PCDHGC3: variants seen among roughly 807,000 people sequenced by gnomAD.
PCDHGC3 encodes protocadherin gamma-C3.
A neutral mutation model predicts 59.2 loss-of-function variants in PCDHGC3; 26 were observed. The ratio of observed to expected loss-of-function variants is 0.44; its 90% CI spans 0.32 to 0.61. The LOEUF is 0.61. Ranked by LOEUF, PCDHGC3 falls within the 20% of genes least tolerant of loss-of-function variation. The pLI is 0.05. For synonymous variants in PCDHGC3, 487 were observed against 519.7 expected (o/e 0.94, Z 0.86); for missense variants, 1,080 against 1,221.8 (o/e 0.88, Z 1.73).
chr5:141,490,688 CTG>C lies in PCDHGC3; in HGVS notation c.2431-4118_2431-4117del. 6.2e-7 allele frequency: 1 copy of C among 1,614,218 alleles called. No homozygotes were observed. On this transcript the variant is annotated intron_variant, in intron 1 of 3. Coordinates refer to ENST00000308177, the MANE Select transcript of PCDHGC3 (RefSeq NM_002588.4). This position sits in a 1 kb window ranked among gnomAD's most constrained non-coding sequence, Gnocchi z 5.4. ...ACTGTGGCTGCCTCAGATCCAGACA[CTG>C]GGGATAATGCCCGCCTCACCTACTC... is the stretch of plus-strand genomic sequence containing the variant.
intron 2 of PCDHGC3, among the ~76,000 whole-genome samples, chr5:141,499,829 G>A (rs1322405697): frequency 6.6e-6 from 1 of 151,548 alleles, no homozygotes; most frequent in African/African-American, 2.4e-5. Context: ...TAGGATTACA[G>A]GTGTGCACCA....
rs2099615088 is a variant in PCDHGC3, at chr5:141,485,526, G to A, written c.2430+6980G>A. On this transcript the variant is annotated intron_variant, in intron 1 of 3. Coordinates refer to ENST00000308177, the MANE Select transcript of PCDHGC3 (RefSeq NM_002588.4). The surrounding 1 kb of genome is among the most constrained non-coding windows in gnomAD (Gnocchi z 5.7). Reference sequence around the variant, plus strand: ...ACCGAAGGTCCTTTGGAAATGTACCGAGCAGAGGTAGAGATCGTAGATGTG... The same window carrying A: ...ACCGAAGGTCCTTTGGAAATGTACCAAGCAGAGGTAGAGATCGTAGATGTG... 6.2e-7 allele frequency: 1 copy of A among 1,614,154 alleles called. No individual in the cohort carries two copies. The highest frequency in any genetic ancestry group is 2.2e-5 in the East Asian group (1 of 44,880).
rs1382764259 is a variant in PCDHGC3 at position 141,478,383 on chromosome 5, T to G, written c.2267T>G (p.Leu756Arg). 2.5e-6 allele frequency: 4 copies of G among 1,613,630 alleles called. No individual in the cohort carries two copies. In the Admixed American group the frequency reaches 6.7e-5, roughly 27 times the overall value. Reference sequence around the variant, plus strand: ...CGGGGAGGCCTGATGTCGCCGCACCTTTACCATCAGGTGTATCTCACCACG... The same window carrying G: ...CGGGGAGGCCTGATGTCGCCGCACCGTTACCATCAGGTGTATCTCACCACG... ...AVRGGLMSPH[L>R]YHQVYLTTDS... Residue 756 changes from leucine (L) to arginine (R), a missense_variant, in exon 1 of 4, where the codon CTT (leucine) becomes CGT (arginine). Physicochemically the swap from Leu to Arg is moderately radical, Grantham distance 102. Coordinates refer to ENST00000308177, the MANE Select transcript of PCDHGC3 (RefSeq NM_002588.4).
At position 141,487,289 on chromosome 5, in the gene PCDHGC3, G is replaced by T; in HGVS notation, c.2431-7518G>T. 6.2e-7 allele frequency: 1 copy of T among 1,614,096 alleles called. No individual in the cohort carries two copies. The highest frequency in any genetic ancestry group is 8.5e-7 in the Non-Finnish European group (1 of 1,180,024). On this transcript the variant is annotated intron_variant, in intron 1 of 3. Coordinates refer to ENST00000308177, the MANE Select transcript of PCDHGC3 (RefSeq NM_002588.4). The surrounding 1 kb of genome is among the most constrained non-coding windows in gnomAD (Gnocchi z 5.0). Reference sequence around the variant, plus strand: ...AGTGGCAATTTGCTTTGTCTCCTTTGGCTCATTCGTGGCACTACTCTCTAA... The same window carrying T: ...AGTGGCAATTTGCTTTGTCTCCTTTTGCTCATTCGTGGCACTACTCTCTAA...
At chr5:141,484,789 A>T (rs1215899787) in intron 1 of PCDHGC3, among the ~76,000 whole-genome samples, 1 of 152,132 alleles carries the variant, frequency 6.6e-6, no homozygotes, top group Non-Finnish European at 1.5e-5. Flanking sequence ...CCACAGAGAT[A>T]ACAACCCGTG....
chr5:141,478,259 T>A lies in PCDHGC3; in HGVS notation c.2143T>A (p.Phe715Ile), dbSNP rs534973741. ...GGTCACAGTGTTCGGAGTAATCATA[T>A]TCAAAGTTTACAAGTGGAAGCAGTC... ...FVVTVFGVII[F>I]KVYKWKQSRD... The change falls in exon 1 of 4, where the codon TTC becomes ATC. Residue 715 changes from phenylalanine (F) to isoleucine (I), a missense_variant. By Grantham distance (21) the Phe-to-Ile change is conservative. Transcript: ENST00000308177. 3.2e-5 allele frequency: 52 copies of A among 1,614,064 alleles called. No individual in the cohort carries two copies. The highest frequency in any genetic ancestry group is 4.4e-5 in the Non-Finnish European group (52 of 1,180,048).
Position 141,511,165 on chromosome 5 carries a change from A to G in PCDHGC3, c.2797A>G (p.Lys933Glu). 1 of 1,614,096 alleles carries G rather than the reference A, an allele frequency of 6.2e-7. No homozygotes were observed. Among genetic ancestry groups the G allele is most frequent in the East Asian group, 2.2e-5 (1 of 44,870 alleles). ...CAAGAAGAAGTCGGGCAAGAAGGAGAAGAAGTAACATGGAGGCCAGGCCAA... is the reference window on the plus strand; with the variant it reads ...CAAGAAGAAGTCGGGCAAGAAGGAGGAGAAGTAACATGGAGGCCAGGCCAA... ...GNKKKSGKKE[K>E]K Residue 933 changes from lysine (K) to glutamate (E), a missense_variant, in exon 4 of 4, where the codon AAG (lysine) becomes GAG (glutamate). Physicochemically the swap from Lys to Glu is moderately conservative, Grantham distance 56. Transcript: ENST00000308177.
rs2099691833 is a variant in PCDHGC3, at chr5:141,489,761, C to A, written c.2431-5046C>A. 8.1e-6 allele frequency: 13 copies of A among 1,614,102 alleles called. No individual in the cohort carries two copies. The highest frequency in any genetic ancestry group is 1.1e-5 in the Non-Finnish European group (13 of 1,179,962). ...ACTGTGAGCTTTTACACTCTAAGCCCCAACAGCCACTTCTCTCTGAATGTG... is the reference window on the plus strand; with the variant it reads ...ACTGTGAGCTTTTACACTCTAAGCCACAACAGCCACTTCTCTCTGAATGTG... On this transcript the variant is annotated intron_variant, in intron 1 of 3. Coordinates refer to ENST00000308177, the MANE Select transcript of PCDHGC3 (RefSeq NM_002588.4). The surrounding 1 kb of genome is among the most constrained non-coding windows in gnomAD (Gnocchi z 4.5).
At chr5:141,492,710 G>A (rs11953270) in intron 1 of PCDHGC3, among the ~76,000 whole-genome samples, 27,341 of 152,278 alleles carry the variant, frequency 0.18, 2,647 homozygotes, top group Admixed American at 0.28. Flanking sequence ...GAAGCCTCGA[G>A]CAGGCGGACA....
chr5:141,478,121 G>A lies in PCDHGC3; in HGVS notation c.2005G>A (p.Asp669Asn), dbSNP rs1393103666. The change falls in exon 1 of 4, where the codon GAC (aspartate) becomes AAC (asparagine). Residue 669 changes from aspartate (D) to asparagine (N), a missense_variant. Coordinates refer to ENST00000308177, the MANE Select transcript of PCDHGC3 (RefSeq NM_002588.4). ...TATLTVSVTE[D>N]SPEARAEFPS... ...TACCCTCACTGTGTCAGTAACCGAGGACTCTCCTGAAGCCCGAGCCGAGTT... is the reference window on the plus strand; with the variant it reads ...TACCCTCACTGTGTCAGTAACCGAGAACTCTCCTGAAGCCCGAGCCGAGTT... The A allele has an allele frequency of 1.2e-6, 2 of 1,613,918 alleles. No individual in the cohort carries two copies. The highest frequency in any genetic ancestry group is 1.1e-5 in the South Asian group (1 of 91,082).
Position 141,477,029 on chromosome 5 carries a change from A to T in PCDHGC3, c.913A>T (p.Thr305Ser), listed in dbSNP as rs754045855. ...FALDLVTGMLTIKGRLDFEDT... is the reference protein window; with the variant it reads ...FALDLVTGMLSIKGRLDFEDT... ...CTTAGACCTTGTAACCGGGATGCTG[A>T]CAATCAAGGGTCGGCTGGACTTCGA... Residue 305 changes from threonine to serine, a missense_variant, in exon 1 of 4, where the codon ACA becomes TCA. Physicochemically the swap from Thr to Ser is moderately conservative, Grantham distance 58 (BLOSUM62 1). Transcript: ENST00000308177. This position sits in a 1 kb window ranked among gnomAD's most constrained non-coding sequence, Gnocchi z 4.9. 2 of 1,614,238 alleles carry T rather than the reference A, an allele frequency of 1.2e-6. No homozygotes were observed. The highest frequency in any genetic ancestry group is 3.3e-5 in the Admixed American group (2 of 60,028).
rs746487145 is a variant in PCDHGC3 at position 141,505,415 on chromosome 5, G to A, written c.2512G>A (p.Gly838Ser). 7.4e-6 allele frequency: 12 copies of A among 1,614,074 alleles called. No individual in the cohort carries two copies. The East Asian group carries it at 1.3e-4, about 18-fold the overall frequency. Residue 838 changes from glycine to serine, a missense_variant, in exon 3 of 4, where the codon GGC (glycine) becomes AGC (serine). Gly to Ser is a moderately conservative substitution (Grantham distance 56, BLOSUM62 0). Coordinates refer to ENST00000308177, the MANE Select transcript of PCDHGC3 (RefSeq NM_002588.4). ...CAGCTCCCAAAATGGCGATGACACC[G>A]GCACCTGGCCCAACAACCAGTTTGA... ...TSGSQNGDDT[G>S]TWPNNQFDTE...
intron 2 of PCDHGC3, among the ~76,000 whole-genome samples, chr5:141,498,114 G>C (rs1336064850): frequency 6.6e-6 from 1 of 152,196 alleles, no homozygotes; most frequent in East Asian, 1.9e-4. Flanking sequence ...CGTATAATAG[G>C]GATTTGATTT....
intron 1 of PCDHGC3, among the ~76,000 whole-genome samples, chr5:141,481,161 A>G (rs2099532805): frequency 6.6e-6 from 1 of 152,230 alleles, no homozygotes; most frequent in African/African-American, 2.4e-5. Flanking sequence ...GTATTTGCAG[A>G]ACCAGAATCC....
chr5:141,511,010 A>G lies in PCDHGC3; in HGVS notation c.2642A>G (p.Tyr881Cys), dbSNP rs1286219897. 6.2e-6 allele frequency: 10 copies of G among 1,614,054 alleles called. No homozygotes were observed. Among genetic ancestry groups the G allele is most frequent in the African/African-American group, 1.3e-5 (1 of 74,916 alleles). Residue 881 changes from tyrosine to cysteine, a missense_variant, in exon 4 of 4, where the codon TAC becomes TGC. By Grantham distance (194) the Tyr-to-Cys change is radical (BLOSUM62 -2). Coordinates refer to ENST00000308177, the MANE Select transcript of PCDHGC3 (RefSeq NM_002588.4). ...GGCACCATGGGATTGAGCGCCCGCT[A>G]CGGACCCCAGTTCACCCTGCAGCAC... Reference protein sequence around the residue: ...GAGTMGLSARYGPQFTLQHVP... With the variant: ...GAGTMGLSARCGPQFTLQHVP...
chr5:141,495,109 C>A (rs1445945970), intron 2 of PCDHGC3, among the ~76,000 whole-genome samples: 3 of 152,278 alleles, frequency 2.0e-5, no homozygotes, highest in South Asian at 2.1e-4. Context: ...CGACCGGCAC[C>A]TTTTCCTATC....
intron 1 of PCDHGC3, among the ~76,000 whole-genome samples, chr5:141,483,722 C>G (rs1043315057): frequency 6.6e-6 from 1 of 152,080 alleles, no homozygotes; most frequent in Non-Finnish European, 1.5e-5. Context: ...TATTGGTTCC[C>G]ACCATAGTCA....
rs376395066 is a variant in PCDHGC3 at position 141,490,681 on chromosome 5, C to G, written c.2431-4126C>G. On this transcript the variant is annotated intron_variant, in intron 1 of 3. Transcript: ENST00000308177. The surrounding 1 kb of genome is among the most constrained non-coding windows in gnomAD (Gnocchi z 5.4). ...TCTTTGCACTGTGGCTGCCTCAGATCCAGACACTGGGGATAATGCCCGCCT... is the reference window on the plus strand; with the variant it reads ...TCTTTGCACTGTGGCTGCCTCAGATGCAGACACTGGGGATAATGCCCGCCT... 2.5e-6 allele frequency: 4 copies of G among 1,613,998 alleles called. No homozygotes were observed. In the African/African-American group the frequency reaches 4.0e-5, roughly 16 times the overall value.
At position 141,489,298 on chromosome 5, in the gene PCDHGC3, T is replaced by C; in HGVS notation, c.2431-5509T>C. On this transcript the variant is annotated intron_variant, in intron 1 of 3. Transcript: ENST00000308177. This position sits in a 1 kb window ranked among gnomAD's most constrained non-coding sequence, Gnocchi z 4.5. ...GAAATGGCAAGTGCTGTGCATGTTG[T>C]CCTTGTGCTGCTGGGGCTGGGTGTC... The C allele has an allele frequency of 6.3e-7, 1 of 1,584,418 alleles. No individual in the cohort carries two copies. The highest frequency in any genetic ancestry group is 8.6e-7 in the Non-Finnish European group (1 of 1,165,192).
Sources: gnomAD v4.1 joint callset for allele counts (sites outside exome capture counted in the v4.1 genomes callset) on GRCh38, gnomAD v4.1.1 for gene constraint, Gnocchi (gnomAD v3.1) non-coding constraint, MANE v1.5 for transcripts, NCBI Gene and HGNC (gene_info 2026-07-23, HGNC 2026-07-21) for gene names.